The following PPP6R2 variants were observed in gnomAD, a reference collection of about 807,000 sequenced individuals.
The protein encoded by PPP6R2 is serine/threonine-protein phosphatase 6 regulatory subunit 2.
Under a neutral mutation model 100.2 loss-of-function variants are expected in PPP6R2, and 62 were observed. The ratio of observed to expected loss-of-function variants is 0.62; its 90% CI spans 0.50 to 0.76. The LOEUF (loss-of-function observed/expected upper bound fraction) is 0.76, where lower values mean the gene tolerates loss of function less well. Ranked by LOEUF, PPP6R2 falls within the 30% of genes least tolerant of loss-of-function variation. The probability of loss-of-function intolerance (pLI) is 0.00; values close to 1 mark genes in which losing one functional copy is unlikely to be tolerated. For missense variants in PPP6R2, 1,142 were observed against 1,276.3 expected (o/e 0.89, Z 1.60); for synonymous variants, 525 against 514.7 (o/e 1.02, Z -0.27).
intron 19 of PPP6R2, 33 bp downstream of exon 19, chr22:50,438,795 G>A: frequency 1.3e-6 from 2 of 1,557,736 alleles, no homozygotes; most frequent in South Asian, 1.2e-5. Context: ...GGGAGTGTGG[G>A]TATCGGGGAC....
chr22:50,361,265 G>A (rs748767890), intron 1 of PPP6R2, among the ~76,000 whole-genome samples: 12 of 152,134 alleles, frequency 7.9e-5, no homozygotes, highest in Non-Finnish European at 1.8e-4. Context: ...ATCATATGGA[G>A]ACTGAGAACA....
At chr22:50,337,840 T>G in the PPP6R2 span, among the ~76,000 whole-genome samples, 1 of 137,938 alleles carries the variant, frequency 7.2e-6, no homozygotes, top group African/African-American at 2.8e-5. Context: ...GTGTGTGGGG[T>G]GTGTGTGGTG....
chr22:50,365,670 C>T (rs2048616958), intron 1 of PPP6R2, among the ~76,000 whole-genome samples: 1 of 146,714 alleles, frequency 6.8e-6, no homozygotes, highest in African/African-American at 2.5e-5. Context: ...CAGAGCAAGA[C>T]TCTGTCTCAA....
In PPP6R2 at chr22:50,431,307, G is replaced by A. The variant is rs766064001; in HGVS notation, c.1260G>A (p.Pro420=). 45 of 1,613,196 alleles carry A rather than the reference G, an allele frequency of 2.8e-5. 1 individual carries two copies. The highest frequency in any genetic ancestry group is 1.9e-4 in the South Asian group (17 of 91,088). Residue 420 remains proline, a synonymous_variant, in exon 11 of 24, where the codon CCG becomes CCA. Coordinates refer to ENST00000612753, the MANE Select transcript of PPP6R2 (RefSeq NM_001242898.2). The surrounding 1 kb of genome is among the most constrained non-coding windows in gnomAD (Gnocchi z 4.8). Reference sequence around the variant, plus strand: ...GATCCGAGAGCAGGGTGGAGCCTCCGCATGAGAACGGGAACCGGAGCCTGG... The same window carrying A: ...GATCCGAGAGCAGGGTGGAGCCTCCACATGAGAACGGGAACCGGAGCCTGG... The part of the protein sequence containing the change: ...ASGSESRVEP[P]HENGNRSLET...
At chr22:50,371,505 G>GA (rs894726509) in intron 1 of PPP6R2, among the ~76,000 whole-genome samples, 40 of 142,224 alleles carry the variant, frequency 2.8e-4, no homozygotes, top group East Asian at 2.7e-3. Flanking sequence ...CTTTAAAAAA[G>GA]AAAAAAAAAA....
intron 10 of PPP6R2, among the ~76,000 whole-genome samples, chr22:50,430,058 G>T (rs1362236505): frequency 6.6e-6 from 1 of 152,246 alleles, no homozygotes; most frequent in Admixed American, 6.5e-5. Flanking sequence ...GGCAGAAGAG[G>T]GTCTGGGACA....
intron 10 of PPP6R2, among the ~76,000 whole-genome samples, chr22:50,427,760 G>A (rs1034340609): frequency 3.3e-5 from 5 of 151,996 alleles, no homozygotes; most frequent in African/African-American, 9.7e-5. Context: ...TCTCGCTGTC[G>A]CCCAGGCTGG....
At chr22:50,332,129 G>A in the PPP6R2 span, among the ~76,000 whole-genome samples, 1 of 152,000 alleles carries the variant, frequency 6.6e-6, no homozygotes, top group East Asian at 1.9e-4. Flanking sequence ...GAAATCTAAT[G>A]TACCATTTTC....
rs1555995375 is a variant in PPP6R2 at position 50,378,582 on chromosome 22, G to GA, written c.-17+6443dup. On this transcript the variant is annotated intron_variant, in intron 2 of 23. Transcript: ENST00000612753. ...GCCTGGGCAACAAGAGCAAAACTCT[G>GA]AAAAAAAAAAATTATCTACTGTAGT... Among the ~76,000 whole-genome samples the GA allele has an allele frequency of 4.5e-3, 526 of 117,236 alleles. 1 individual carries two copies. Among genetic ancestry groups the GA allele is most frequent in the African/African-American group, 0.014 (416 of 29,982 alleles). 76.9% of individuals were successfully genotyped at this position (117,236 alleles called of 152,430 possible). A position where few individuals can be genotyped will look rare whatever the true frequency, so the allele number is the denominator to read the frequency against.
intron 3 of PPP6R2, among the ~76,000 whole-genome samples, chr22:50,396,511 A>T (rs79709727): frequency 6.6e-6 from 1 of 152,082 alleles, no homozygotes. Context: ...AAAAAAAAAA[A>T]ATCAAAGGAA....
intron 1 of PPP6R2, among the ~76,000 whole-genome samples, chr22:50,347,816 C>T (rs2044128556): frequency 1.3e-5 from 2 of 152,128 alleles, no homozygotes; most frequent in Admixed American, 6.6e-5. Flanking sequence ...CTGCAGTTGC[C>T]GACACTGTTC....
the PPP6R2 span, among the ~76,000 whole-genome samples, chr22:50,338,056 G>A: frequency 1.4e-5 from 2 of 140,124 alleles, no homozygotes; most frequent in Admixed American, 7.1e-5. Flanking sequence ...GTGGTGTGAT[G>A]TGTGTGGTGT....
Position 50,440,557 on chromosome 22 carries a change from C to T in PPP6R2, c.2375-265C>T, listed in dbSNP as rs191876625. On this transcript the variant is annotated intron_variant, in intron 21 of 23. Transcript: ENST00000612753. ...GCAGGACCACACGAGGCGGAGTGGG[C>T]CCCTCCCTGAGCCTCTGCGTCCTCC... 4.2e-3 allele frequency among the ~76,000 whole-genome samples: 646 copies of T among 152,326 alleles called. 8 individuals are homozygous for T. The highest frequency in any genetic ancestry group is 0.014 in the African/African-American group (601 of 41,556).
At position 50,438,620 on chromosome 22, in the gene PPP6R2, A is replaced by G; in HGVS notation, c.1986A>G (p.Ser662=). Reference sequence around the variant, plus strand: ...CCAGGTTTGGAGCCCCCCATGCTTCAGAGAGTTGCTCAAAGAATGGCCCAG... The same window carrying G: ...CCAGGTTTGGAGCCCCCCATGCTTCGGAGAGTTGCTCAAAGAATGGCCCAG... ...ARPRFGAPHA[S]ESCSKNGPER... is the part of the protein sequence containing the mutation. Residue 662 remains serine (S), a synonymous_variant, in exon 19 of 24, where the codon TCA becomes TCG. Transcript: ENST00000612753. The G allele has an allele frequency of 6.2e-7, 1 of 1,613,968 alleles. No individual in the cohort carries two copies. Among genetic ancestry groups the G allele is most frequent in the Non-Finnish European group, 8.5e-7 (1 of 1,179,950 alleles).
At chr22:50,377,877 C>T (rs1003187538) in intron 2 of PPP6R2, among the ~76,000 whole-genome samples, 29 of 151,932 alleles carry the variant, frequency 1.9e-4, no homozygotes, top group Admixed American at 5.9e-4. Context: ...CGTGGTGGCA[C>T]GCACCTGTAA....
At chr22:50,365,164 C>T (rs1358908722) in intron 1 of PPP6R2, among the ~76,000 whole-genome samples, 1 of 151,388 alleles carries the variant, frequency 6.6e-6, no homozygotes, top group Non-Finnish European at 1.5e-5. Flanking sequence ...CTCCACCTCC[C>T]GGGTTCAAGC....
At chr22:50,408,850 C>T (rs77332739) in intron 4 of PPP6R2, among the ~76,000 whole-genome samples, 15,464 of 152,256 alleles carry the variant, frequency 0.1, 1,247 homozygotes, top group East Asian at 0.41. Flanking sequence ...TGCGGTGGCT[C>T]ACGCCTGTAA....
intron 1 of PPP6R2, among the ~76,000 whole-genome samples, chr22:50,370,967 A>C (rs893776979): frequency 2.0e-5 from 3 of 152,234 alleles, no homozygotes; most frequent in Non-Finnish European, 4.4e-5. Flanking sequence ...AACCCTTTGT[A>C]GAGGTCAGGG....
intron 1 of PPP6R2, among the ~76,000 whole-genome samples, chr22:50,370,997 A>G (rs1238133497): frequency 6.6e-6 from 1 of 152,228 alleles, no homozygotes; most frequent in Non-Finnish European, 1.5e-5. Flanking sequence ...TCCTAATTTA[A>G]AAATATTTTT....
Sources: allele counts gnomAD v4.1 joint callset (sites outside exome capture counted in the v4.1 genomes callset), GRCh38; gene constraint gnomAD v4.1.1; non-coding constraint Gnocchi (gnomAD v3.1); transcripts MANE v1.5; gene names NCBI Gene and HGNC (gene_info 2026-07-23, HGNC 2026-07-21).